The following RPS23 variants were observed in gnomAD, a reference collection of about 807,000 sequenced individuals.
RPS23 encodes small ribosomal subunit protein uS12.
For missense variants in RPS23, 73 were observed against 174.5 expected (o/e 0.42, Z 3.28); for synonymous variants, 66 against 60.4 (o/e 1.09, Z -0.43).
chr5:82,277,874 T>A lies in RPS23; in HGVS notation c.5-22A>T, dbSNP rs750510361. 6.2e-6 allele frequency: 10 copies of A among 1,608,668 alleles called. 1 individual carries two copies. The Middle Eastern group carries it at 4.9e-4, about 80-fold the overall frequency. ...TTGCCTAAAAATTAAATATTTTAGT[T>A]CTTCCGTAAAAACACGCCATCTACG... On this transcript the variant is annotated intron_variant, in intron 1 of 3. Coordinates refer to ENST00000296674, the MANE Select transcript of RPS23 (RefSeq NM_001025.5).
rs1287376636 is a variant in RPS23 at position 82,273,335 on chromosome 5, CT to C, written c.*2773del. ...CCTCTCAGAGTTGTAGAAGGAAGGG[CT>C]TTATTCAGCTGGGAGCATCGGCAAG... On this transcript the variant is annotated 3_prime_UTR_variant, in exon 4 of 4. Transcript: ENST00000296674. The C allele has an allele frequency of 6.7e-6, 1 of 149,422 alleles. No individual in the cohort carries two copies. Among genetic ancestry groups the C allele is most frequent in the Non-Finnish European group, 1.5e-5 (1 of 68,040 alleles). The allele number at this position is 149,422 out of a possible 1,614,324, so 9.3% of individuals were successfully genotyped here.
intron 1 of RPS23, 74 bp from the exon 2 acceptor site, chr5:82,277,926 C>T (rs1381987800): frequency 3.8e-6 from 5 of 1,330,752 alleles, no homozygotes; most frequent in Middle Eastern, 1.8e-4. Flanking sequence ...AGACACTCGC[C>T]TCACCTGGAA....
In RPS23 at chr5:82,275,543, A is replaced by T. The variant is rs1345670943; in HGVS notation, c.*566T>A. On this transcript the variant is annotated 3_prime_UTR_variant, in exon 4 of 4. Transcript: ENST00000296674. ...ATCCAATGCCTGTATTCTCCTAAAC[A>T]CATTAATGTAGACACATTACAACAC... is the stretch of plus-strand genomic sequence containing the variant. The T allele has an allele frequency of 1.8e-6, 1 of 558,908 alleles. No homozygotes were observed. The highest frequency in any genetic ancestry group is 3.1e-5 in the Admixed American group (1 of 32,032). The allele number at this position is 558,908 out of a possible 1,614,324, so 34.6% of individuals were successfully genotyped here.
rs2112046861 is a variant in RPS23 at position 82,275,876 on chromosome 5, G to GA, written c.*232dup. 2.0e-6 allele frequency: 1 copy of GA among 497,650 alleles called. No individual in the cohort carries two copies. The highest frequency in any genetic ancestry group is 3.3e-5 in the East Asian group (1 of 30,210). The allele number at this position is 497,650 out of a possible 1,614,324, so 30.8% of individuals were successfully genotyped here. A position where few individuals can be genotyped will look rare whatever the true frequency, so the allele number is the denominator to read the frequency against. ...CATTTTCTTATTCCACAGGATGAGG[G>GA]AAACTGTGCCAGGTTACAAATGTTA... On this transcript the variant is annotated 3_prime_UTR_variant, in exon 4 of 4. Coordinates refer to ENST00000296674, the MANE Select transcript of RPS23 (RefSeq NM_001025.5).
At position 82,275,728 on chromosome 5, in the gene RPS23, C is replaced by A; in HGVS notation, c.*381G>T. ...AATTTGGTAACTGAAGTGTTGCACC[C>A]GATATGGAAAATACCAAGAATAAAA... is the stretch of plus-strand genomic sequence containing the variant. On this transcript the variant is annotated 3_prime_UTR_variant, in exon 4 of 4. Coordinates refer to ENST00000296674, the MANE Select transcript of RPS23 (RefSeq NM_001025.5). 1 of 241,674 alleles carries A rather than the reference C, an allele frequency of 4.1e-6. No homozygotes were observed. The highest frequency in any genetic ancestry group is 7.9e-6 in the Non-Finnish European group (1 of 127,156). 15.0% of individuals were successfully genotyped at this position (241,674 alleles called of 1,614,324 possible). A position where few individuals can be genotyped will look rare whatever the true frequency, so the allele number is the denominator to read the frequency against.
chr5:82,275,911 G>A lies in RPS23; in HGVS notation c.*198C>T. ...CAGGTTACAAATGTTATTAACTCTA[G>A]AGAATCCTGAAACAACCCTGTCTTA... On this transcript the variant is annotated 3_prime_UTR_variant, in exon 4 of 4. Coordinates refer to ENST00000296674, the MANE Select transcript of RPS23 (RefSeq NM_001025.5). 5.2e-6 allele frequency: 3 copies of A among 573,856 alleles called. No individual in the cohort carries two copies. In the East Asian group the frequency reaches 8.8e-5, roughly 17 times the overall value. 35.5% of individuals were successfully genotyped at this position (573,856 alleles called of 1,614,324 possible).
chr5:82,277,370 G>A (rs1747884284), intron 2 of RPS23: 1 of 359,508 alleles, frequency 2.8e-6, no homozygotes, highest in South Asian at 2.6e-5. Context: ...GTTTTATCAA[G>A]TCGATAAAGT....
intron 2 of RPS23, 70 bp downstream of exon 2, chr5:82,277,623 A>T (rs1199233154): frequency 3.6e-5 from 54 of 1,489,358 alleles, no homozygotes; most frequent in Non-Finnish European, 5.0e-5. Flanking sequence ...TACTTTCAAA[A>T]CAAGAATTCG....
At chr5:82,276,612 C>T (rs934557383) in intron 2 of RPS23, 94 bp from the exon 3 acceptor site, 3 of 1,486,678 alleles carry the variant, frequency 2.0e-6, no homozygotes, top group African/African-American at 2.8e-5. Flanking sequence ...CTGTTTCTAT[C>T]TTTTCAATCT....
chr5:82,275,341 CCTAG>C lies in RPS23; in HGVS notation c.*764_*767del. Reference sequence around the variant, plus strand: ...CAGCAAAATCCACATGTACTCAATACCTAGCTTAAATTATCAAAACACAACCAAT... The same window carrying C: ...CAGCAAAATCCACATGTACTCAATACCTTAAATTATCAAAACACAACCAAT... On this transcript the variant is annotated 3_prime_UTR_variant, in exon 4 of 4. Coordinates refer to ENST00000296674, the MANE Select transcript of RPS23 (RefSeq NM_001025.5). 3 of 702,460 alleles carry C rather than the reference CCTAG, an allele frequency of 4.3e-6. No individual in the cohort carries two copies. The highest frequency in any genetic ancestry group is 7.8e-6 in the Non-Finnish European group (3 of 384,960). The allele number at this position is 702,460 out of a possible 1,614,324, so 43.5% of individuals were successfully genotyped here. A position where few individuals can be genotyped will look rare whatever the true frequency, so the allele number is the denominator to read the frequency against.
In RPS23 at chr5:82,276,530, A is replaced by C; in HGVS notation, c.165-12T>G. On this transcript the variant is annotated splice_polypyrimidine_tract_variant and intron_variant, in intron 2 of 3. Transcript: ENST00000296674. Reference sequence around the variant, plus strand: ...TGGCTTCAACTCCTCTGAAATACAAAAGGCACAGCACTGTGAGCTGGCTTT... The same window carrying C: ...TGGCTTCAACTCCTCTGAAATACAACAGGCACAGCACTGTGAGCTGGCTTT... The C allele has an allele frequency of 6.2e-7, 1 of 1,613,966 alleles. No homozygotes were observed. The highest frequency in any genetic ancestry group is 8.5e-7 in the Non-Finnish European group (1 of 1,179,886).
At chr5:82,277,596 A>G (rs1291476212) in intron 2 of RPS23, 97 bp downstream of exon 2, 12 of 1,240,974 alleles carry the variant, frequency 9.7e-6, no homozygotes, top group African/African-American at 3.0e-5. Flanking sequence ...GAATACTACT[A>G]CACAAAAACC....
At position 82,274,706 on chromosome 5, in the gene RPS23, G is replaced by GGATT. The variant is rs1561388247; in HGVS notation, c.*1399_*1402dup. 6.5e-6 allele frequency: 1 copy of GGATT among 153,758 alleles called. No individual in the cohort carries two copies. Among genetic ancestry groups the GGATT allele is most frequent in the East Asian group, 1.9e-4 (1 of 5,226 alleles). The allele number at this position is 153,758 out of a possible 1,614,324, so 9.5% of individuals were successfully genotyped here. A position where few individuals can be genotyped will look rare whatever the true frequency, so the allele number is the denominator to read the frequency against. ...CTAGCAATCTCTCCCGCATCACAAA[G>GGATT]GATTGGGTCAGTTAAGGCTCATCCG... On this transcript the variant is annotated 3_prime_UTR_variant, in exon 4 of 4. Coordinates refer to ENST00000296674, the MANE Select transcript of RPS23 (RefSeq NM_001025.5).
In RPS23 at chr5:82,275,013, C is replaced by G; in HGVS notation, c.*1096G>C. 2 of 551,042 alleles carry G rather than the reference C, an allele frequency of 3.6e-6. No homozygotes were observed. The highest frequency in any genetic ancestry group is 4.7e-5 in the South Asian group (2 of 42,632). The allele number at this position is 551,042 out of a possible 1,614,324, so 34.1% of individuals were successfully genotyped here. On this transcript the variant is annotated 3_prime_UTR_variant, in exon 4 of 4. Coordinates refer to ENST00000296674, the MANE Select transcript of RPS23 (RefSeq NM_001025.5). ...AACTGAGACCAGTGTTGCTGGAGCA[C>G]AAAGTGCCAAGGAGAGAAATGGCAG...
chr5:82,275,073 C>G lies in RPS23; in HGVS notation c.*1036G>C, dbSNP rs1747743167. ...GGAATATGCAGGTATGAAGCGCAACCTGGGTTCTTCTGTGCCATGTGAAAG... is the reference window on the plus strand; with the variant it reads ...GGAATATGCAGGTATGAAGCGCAACGTGGGTTCTTCTGTGCCATGTGAAAG... On this transcript the variant is annotated 3_prime_UTR_variant, in exon 4 of 4. Coordinates refer to ENST00000296674, the MANE Select transcript of RPS23 (RefSeq NM_001025.5). The G allele has an allele frequency of 5.0e-6, 3 of 605,148 alleles. No individual in the cohort carries two copies. In the Admixed American group the frequency reaches 8.3e-5, roughly 17 times the overall value. 37.5% of individuals were successfully genotyped at this position (605,148 alleles called of 1,614,324 possible). A position where few individuals can be genotyped will look rare whatever the true frequency, so the allele number is the denominator to read the frequency against.
At position 82,275,593 on chromosome 5, in the gene RPS23, A is replaced by C; in HGVS notation, c.*516T>G. On this transcript the variant is annotated 3_prime_UTR_variant, in exon 4 of 4. Coordinates refer to ENST00000296674, the MANE Select transcript of RPS23 (RefSeq NM_001025.5). ...CAGATCCTGACACCTTTAAATAATA[A>C]ACAGAGTGGGGAGCAATTTTGAGTT... 2 of 400,290 alleles carry C rather than the reference A, an allele frequency of 5.0e-6. No homozygotes were observed. The highest frequency in any genetic ancestry group is 4.2e-5 in the East Asian group (1 of 23,540). The allele number at this position is 400,290 out of a possible 1,614,324, so 24.8% of individuals were successfully genotyped here. A position where few individuals can be genotyped will look rare whatever the true frequency, so the allele number is the denominator to read the frequency against.
chr5:82,275,559 A>G lies in RPS23; in HGVS notation c.*550T>C, dbSNP rs916037542. The G allele has an allele frequency of 2.0e-6, 1 of 504,494 alleles. No homozygotes were observed. The highest frequency in any genetic ancestry group is 3.5e-5 in the Admixed American group (1 of 28,880). The allele number at this position is 504,494 out of a possible 1,614,324, so 31.3% of individuals were successfully genotyped here. The stretch of plus-strand genomic sequence containing the variant: ...CTCCTAAACACATTAATGTAGACAC[A>G]TTACAACACAGATCCTGACACCTTT... On this transcript the variant is annotated 3_prime_UTR_variant, in exon 4 of 4. Coordinates refer to ENST00000296674, the MANE Select transcript of RPS23 (RefSeq NM_001025.5).
At position 82,275,939 on chromosome 5, in the gene RPS23, G is replaced by A; in HGVS notation, c.*170C>T. 1 of 617,064 alleles carries A rather than the reference G, an allele frequency of 1.6e-6. No individual in the cohort carries two copies. Among genetic ancestry groups the A allele is most frequent in the Non-Finnish European group, 2.9e-6 (1 of 348,404 alleles). 38.2% of individuals were successfully genotyped at this position (617,064 alleles called of 1,614,324 possible). On this transcript the variant is annotated 3_prime_UTR_variant, in exon 4 of 4. Transcript: ENST00000296674. ...AATCCTGAAACAACCCTGTCTTATTGTCTCCTAAAATTGGTACAGGTCCTG... is the reference window on the plus strand; with the variant it reads ...AATCCTGAAACAACCCTGTCTTATTATCTCCTAAAATTGGTACAGGTCCTG...
chr5:82,277,398 C>G, intron 2 of RPS23: 1 of 408,992 alleles, frequency 2.4e-6, no homozygotes. Context: ...CTGACACGTG[C>G]CATTTACTTA....
Sources: gnomAD v4.1 joint callset for allele counts on GRCh38, gnomAD v4.1.1 for gene constraint, MANE v1.5 for transcripts, NCBI Gene and HGNC (gene_info 2026-07-23, HGNC 2026-07-21) for gene names.